The following BBS1 variants were observed in gnomAD, a reference collection of about 807,000 sequenced individuals.
The protein encoded by BBS1 is BBSome complex member BBS1.
In BBS1, 60 loss-of-function variants were observed where a neutral mutation model predicts 73.9. The observed-to-expected ratio is 0.81, with a 90% confidence interval of 0.66 to 1.01. The LOEUF (loss-of-function observed/expected upper bound fraction) is 1.01, where lower values mean the gene tolerates loss of function less well. Among genes scored for constraint, BBS1 ranks in the 50% least tolerant of loss-of-function variants. BBS1 has a pLI of 0.00. For synonymous variants in BBS1, 283 were observed against 317.4 expected (o/e 0.89, Z 1.15); for missense variants, 718 against 770.3 (o/e 0.93, Z 0.80).
rs542542210 is a variant in BBS1 at position 66,532,180 on chromosome 11, C to T, written c.*143C>T. On this transcript the variant is annotated 3_prime_UTR_variant, in exon 17 of 17. Transcript: ENST00000318312. ...TCTTAAGCACCCGCTTCCTCACCAC[C>T]CCCACTGTTGGGCCTATAGTAGCAG... 2 of 871,772 alleles carry T rather than the reference C, an allele frequency of 2.3e-6. No individual in the cohort carries two copies. Among genetic ancestry groups the T allele is most frequent in the East Asian group, 2.7e-5 (1 of 37,598 alleles). 54.0% of individuals were successfully genotyped at this position (871,772 alleles called of 1,614,324 possible).
intron 10 of BBS1, 48 bp downstream of exon 10, chr11:66,523,624 C>G (rs1856346318): frequency 9.9e-6 from 16 of 1,613,118 alleles, no homozygotes; most frequent in Non-Finnish European, 1.2e-5. Flanking sequence ...TGTCCCTAGC[C>G]CCCACTTGGC....
chr11:66,516,900 TC>T (rs1856061034), intron 7 of BBS1, among the ~76,000 whole-genome samples: 1 of 152,068 alleles, frequency 6.6e-6, no homozygotes, highest in Admixed American at 6.6e-5. Context: ...AGCACCTTTA[TC>T]TAAAGAAAAA....
intron 13 of BBS1, among the ~76,000 whole-genome samples, chr11:66,528,857 A>G (rs1221870042): frequency 6.6e-6 from 1 of 150,798 alleles, no homozygotes; most frequent in African/African-American, 2.4e-5. Context: ...AATTCCAGCT[A>G]CTCGGGAGGC....
rs778941006 is a variant in BBS1, at chr11:66,531,675, G to A, written c.1628G>A (p.Gly543Glu). The stretch of plus-strand genomic sequence containing the variant: ...ACTTAGGTACCCTTGCTGGTGCCAG[G>A]GCTCAACTACCCCCTGGAGACCTTT... ...AFFKVPLLVPGLNYPLETFVE... is the reference protein window; with the variant it reads ...AFFKVPLLVPELNYPLETFVE... Residue 543 changes from glycine to glutamate, a missense_variant, in exon 16 of 17, where the codon GGG becomes GAG. Transcript: ENST00000318312. 7.4e-6 allele frequency: 12 copies of A among 1,614,026 alleles called. No individual in the cohort carries two copies. The highest frequency in any genetic ancestry group is 1.0e-5 in the Non-Finnish European group (12 of 1,179,988).
chr11:66,526,506 T>C, intron 12 of BBS1, 143 bp from the exon 13 acceptor site: 2 of 1,033,606 alleles, frequency 1.9e-6, no homozygotes, highest in Non-Finnish European at 3.0e-6. Context: ...AGATGCACTT[T>C]GTTACTTCCA....
At chr11:66,529,280 G>C (rs1565289270) in intron 13 of BBS1, 2 of 1,533,996 alleles carry the variant, frequency 1.3e-6, no homozygotes, top group Non-Finnish European at 1.7e-6. Flanking sequence ...TAGGTGACTT[G>C]ATGGACAGGG....
At chr11:66,530,101 G>C (rs913879805) in intron 14 of BBS1, 149 bp downstream of exon 14, 2 of 1,153,008 alleles carry the variant, frequency 1.7e-6, no homozygotes, top group Non-Finnish European at 1.2e-6. Context: ...CCTGGGGACC[G>C]AGTCTCATGT....
intron 7 of BBS1, among the ~76,000 whole-genome samples, chr11:66,516,635 C>T (rs905692145): frequency 1.3e-5 from 2 of 152,154 alleles, no homozygotes; most frequent in Non-Finnish European, 2.9e-5. Flanking sequence ...ACTACAGCCT[C>T]AAACTACTGG....
At chr11:66,529,038 G>A in intron 13 of BBS1, 1 of 965,116 alleles carries the variant, frequency 1.0e-6, no homozygotes. Flanking sequence ...AATTAATTCT[G>A]GATAGATTAA....
intron 9 of BBS1, chr11:66,521,743 TA>T: frequency 3.2e-6 from 1 of 314,678 alleles, no homozygotes; most frequent in South Asian, 2.9e-5. Flanking sequence ...CCGTCTCTAC[TA>T]AAAATACAAA....
intron 4 of BBS1, 141 bp downstream of exon 4, chr11:66,514,819 CTT>C (rs72326650): frequency 1.2e-3 from 874 of 715,092 alleles, no homozygotes; most frequent in Non-Finnish European, 1.4e-3. Flanking sequence ...AGTGATGGCA[CTT>C]TTTTTTTTTT....
At chr11:66,512,039 T>C (rs1464350290) in intron 3 of BBS1, among the ~76,000 whole-genome samples, 2 of 147,022 alleles carry the variant, frequency 1.4e-5, no homozygotes, top group Non-Finnish European at 3.0e-5. Context: ...TATGTATATA[T>C]ATGTATATAT....
rs1220683901 is a variant in BBS1 at position 66,533,147 on chromosome 11, T to C, written c.*1110T>C. On this transcript the variant is annotated 3_prime_UTR_variant, in exon 17 of 17. Transcript: ENST00000318312. ...ACCGTGCCATGAGGACAGTAAGTGT[T>C]CATAAAGCAACATGAAGCAAGAAAC... 1 of 152,224 alleles carries C rather than the reference T, an allele frequency of 6.6e-6. No individual in the cohort carries two copies. Among genetic ancestry groups the C allele is most frequent in the Non-Finnish European group, 1.5e-5 (1 of 68,040 alleles). 9.4% of individuals were successfully genotyped at this position (152,224 alleles called of 1,614,324 possible). A position where few individuals can be genotyped will look rare whatever the true frequency, so the allele number is the denominator to read the frequency against.
chr11:66,530,016 C>G, intron 14 of BBS1, 64 bp downstream of exon 14: 1 of 1,549,466 alleles, frequency 6.5e-7, no homozygotes. Flanking sequence ...CGCAGGAACC[C>G]CTCTGCCACA....
At position 66,511,005 on chromosome 11, in the gene BBS1, A is replaced by C. The variant is rs753125999; in HGVS notation, c.48-8A>C. On this transcript the variant is annotated splice_region_variant and splice_polypyrimidine_tract_variant and intron_variant, in intron 1 of 16. Transcript: ENST00000318312. ...CTCACTCCCCAACTGTCTTTCCCCCACTTCCAGCAATGAGGCCAATTCGAA... is the reference window on the plus strand; with the variant it reads ...CTCACTCCCCAACTGTCTTTCCCCCCCTTCCAGCAATGAGGCCAATTCGAA... 1 of 1,613,456 alleles carries C rather than the reference A, an allele frequency of 6.2e-7. No individual in the cohort carries two copies. Among genetic ancestry groups the C allele is most frequent in the African/African-American group, 1.3e-5 (1 of 74,710 alleles).
chr11:66,521,515 GCC>G, intron 9 of BBS1, 139 bp downstream of exon 9: 1 of 736,696 alleles, frequency 1.4e-6, no homozygotes, highest in African/African-American at 1.7e-5. Context: ...AGGAGGCTGA[GCC>G]CACAAACACA....
At chr11:66,514,305 GT>G in intron 3 of BBS1, 100 bp from the exon 4 acceptor site, 2 of 1,481,836 alleles carry the variant, frequency 1.3e-6, no homozygotes, top group Non-Finnish European at 1.9e-6. Context: ...GCCTTTATTG[GT>G]GCAGGAATGA....
intron 7 of BBS1, among the ~76,000 whole-genome samples, chr11:66,519,366 G>A (rs1450282405): frequency 6.6e-6 from 1 of 151,822 alleles, no homozygotes; most frequent in Non-Finnish European, 1.5e-5. Context: ...GCGAGAACCT[G>A]TCTCAAGAAA....
intron 3 of BBS1, among the ~76,000 whole-genome samples, chr11:66,511,912 T>C (rs1032013711): frequency 1.3e-5 from 2 of 151,084 alleles, no homozygotes; most frequent in Admixed American, 6.6e-5. Context: ...GGCAGGAGAA[T>C]TGGTCAAACC....
Sources: allele counts gnomAD v4.1 joint callset (sites outside exome capture counted in the v4.1 genomes callset), GRCh38; gene constraint gnomAD v4.1.1; transcripts MANE v1.5; gene names NCBI Gene and HGNC (gene_info 2026-07-23, HGNC 2026-07-21).